Variants in GULP1 observed in about 807,000 individuals in gnomAD.
GULP1 encodes GULP PTB domain containing engulfment adaptor 1, also known as PTB domain-containing engulfment adapter protein 1.
In GULP1, 19 loss-of-function variants were observed where a neutral mutation model predicts 40.9. The ratio of observed to expected loss-of-function variants is 0.46; its 90% CI spans 0.32 to 0.68. The LOEUF (loss-of-function observed/expected upper bound fraction) is 0.68. Ranked by LOEUF, GULP1 falls within the 30% of genes least tolerant of loss-of-function variation. The pLI, the probability that GULP1 is intolerant of heterozygous loss-of-function variation, is 0.03. For missense variants in GULP1, 312 were observed against 362.2 expected (o/e 0.86, Z 1.12); for synonymous variants, 119 against 117.6 (o/e 1.01, Z -0.08).
intron 1 of GULP1, among the ~76,000 whole-genome samples, chr2:188,347,757 G>A (rs2043888114): frequency 6.6e-6 from 1 of 151,992 alleles, no homozygotes. Context: ...GGGACTACAG[G>A]CACATGCCAC....
chr2:188,375,524 A>G lies in GULP1; in HGVS notation c.-171-8239A>G, dbSNP rs534233781. Among the ~76,000 whole-genome samples the G allele has an allele frequency of 1.1e-4, 16 of 152,334 alleles. No individual in the cohort carries two copies. In the South Asian group the frequency reaches 2.7e-3, roughly 26 times the overall value. ...GATTTCCTTCATTCCAGCAGCTTCCATTGTGTGACTGTTTACAAAAGTGCT... is the reference window on the plus strand; with the variant it reads ...GATTTCCTTCATTCCAGCAGCTTCCGTTGTGTGACTGTTTACAAAAGTGCT... On this transcript the variant is annotated intron_variant, in intron 1 of 11. Transcript: ENST00000409830.
chr2:188,478,956 T>G (rs1384403126), intron 3 of GULP1, among the ~76,000 whole-genome samples: 1 of 152,118 alleles, frequency 6.6e-6, no homozygotes, highest in Non-Finnish European at 1.5e-5. Context: ...CTTTCAGCCA[T>G]GTAACAGGAA....
intron 1 of GULP1, among the ~76,000 whole-genome samples, chr2:188,331,467 C>T (rs1193151257): frequency 1.3e-5 from 2 of 152,168 alleles, no homozygotes; most frequent in African/African-American, 4.8e-5. Context: ...ATTTACTATA[C>T]ATAAGAATCA....
chr2:188,554,431 T>G (rs1694244203), intron 7 of GULP1, among the ~76,000 whole-genome samples: 1 of 151,902 alleles, frequency 6.6e-6, no homozygotes, highest in Admixed American at 6.6e-5. Flanking sequence ...TGTTTAATTT[T>G]CATGTATTTG....
At chr2:188,558,521 T>C (rs1304959729) in intron 7 of GULP1, among the ~76,000 whole-genome samples, 2 of 152,112 alleles carry the variant, frequency 1.3e-5, no homozygotes, top group Non-Finnish European at 2.9e-5. Flanking sequence ...ATAGTGTAAA[T>C]TGGTACCAGT....
intron 9 of GULP1, among the ~76,000 whole-genome samples, chr2:188,573,848 T>G (rs1487196681): frequency 6.6e-6 from 1 of 152,072 alleles, no homozygotes; most frequent in Non-Finnish European, 1.5e-5. Flanking sequence ...ATCTGATGAG[T>G]TTTTAGTGGT....
In GULP1 at chr2:188,373,570, A is replaced by G. The variant is rs191917658; in HGVS notation, c.-171-10193A>G. 5.8e-3 allele frequency among the ~76,000 whole-genome samples: 876 copies of G among 152,008 alleles called. 3 individuals carry two copies. The highest frequency in any genetic ancestry group is 8.4e-3 in the Non-Finnish European group (572 of 67,846). ...GTTTTTTTATTTTTTTTGACAGGCCACTGAGATATCACATAGTAGATGTCG... is the reference window on the plus strand; with the variant it reads ...GTTTTTTTATTTTTTTTGACAGGCCGCTGAGATATCACATAGTAGATGTCG... On this transcript the variant is annotated intron_variant, in intron 1 of 11. Transcript: ENST00000409830.
intron 2 of GULP1, among the ~76,000 whole-genome samples, chr2:188,404,608 C>G (rs1281916081): frequency 6.6e-6 from 1 of 152,206 alleles, no homozygotes; most frequent in Non-Finnish European, 1.5e-5. Flanking sequence ...ACAGATCCCT[C>G]AGCCTCAGGC....
At chr2:188,567,255 A>T (rs1050615978) in intron 7 of GULP1, among the ~76,000 whole-genome samples, 1 of 152,218 alleles carries the variant, frequency 6.6e-6, no homozygotes, top group Non-Finnish European at 1.5e-5. Context: ...TAGAACTACC[A>T]TTTGACCCAG....
chr2:188,570,521 T>G (rs1051967804), intron 9 of GULP1, among the ~76,000 whole-genome samples: 1 of 152,206 alleles, frequency 6.6e-6, no homozygotes, highest in Non-Finnish European at 1.5e-5. Flanking sequence ...TGAGCAAGAC[T>G]GAACCTGGTT....
chr2:188,413,895 A>T lies in GULP1; in HGVS notation c.-45+30006A>T, dbSNP rs560312976. 4.7e-4 allele frequency among the ~76,000 whole-genome samples: 72 copies of T among 152,258 alleles called. 3 individuals carry two copies. The South Asian group carries it at 0.015, about 32-fold the overall frequency. On this transcript the variant is annotated intron_variant, in intron 2 of 11. Transcript: ENST00000409830. Reference sequence around the variant, plus strand: ...TTTCTTGTTCAAAATGAATTTTTTAATGCATTAAAATAAAGTTAGTGTTGC... The same window carrying T: ...TTTCTTGTTCAAAATGAATTTTTTATTGCATTAAAATAAAGTTAGTGTTGC...
intron 6 of GULP1, among the ~76,000 whole-genome samples, chr2:188,536,935 T>G (rs1182655316): frequency 6.6e-6 from 1 of 152,082 alleles, no homozygotes; most frequent in Non-Finnish European, 1.5e-5. Flanking sequence ...TTTATTTTTT[T>G]TGTTGACTAT....
chr2:188,483,631 T>C (rs1431051126), intron 4 of GULP1, 139 bp downstream of exon 4: 5 of 417,824 alleles, frequency 1.2e-5, no homozygotes, highest in Non-Finnish European at 2.2e-5. Context: ...AAAATAATTG[T>C]GGCATGGGAA....
intron 1 of GULP1, among the ~76,000 whole-genome samples, chr2:188,311,822 G>A (rs1485418682): frequency 6.8e-6 from 1 of 147,250 alleles, no homozygotes; most frequent in Non-Finnish European, 1.5e-5. Flanking sequence ...ATACGTATAA[G>A]TATATACATA....
chr2:188,568,816 C>A (rs2153429765), intron 7 of GULP1, among the ~76,000 whole-genome samples: 1 of 152,108 alleles, frequency 6.6e-6, no homozygotes, highest in East Asian at 1.9e-4. Flanking sequence ...ACCCTCCTCA[C>A]AAGGAAAAGG....
At chr2:188,548,028 A>G (rs1050500989) in intron 7 of GULP1, among the ~76,000 whole-genome samples, 1 of 152,080 alleles carries the variant, frequency 6.6e-6, no homozygotes, top group Non-Finnish European at 1.5e-5. Context: ...ATTTTACTTT[A>G]TGGTAAAAAA....
intron 6 of GULP1, among the ~76,000 whole-genome samples, chr2:188,537,656 G>GT (rs1222865225): frequency 6.6e-6 from 1 of 151,814 alleles, no homozygotes; most frequent in African/African-American, 2.4e-5. Context: ...TTTTTTCACT[G>GT]TATCTTTGCA....
rs1161237944 is a variant in GULP1 at position 188,352,553 on chromosome 2, TTCTC to T, written c.-171-31202_-171-31199del. Among the ~76,000 whole-genome samples the T allele has an allele frequency of 3.3e-5, 5 of 151,446 alleles. No homozygotes were observed. The Admixed American group carries it at 3.3e-4, about 10-fold the overall frequency. On this transcript the variant is annotated intron_variant, in intron 1 of 11. Transcript: ENST00000409830. ...CCCATTTGCCCATTCCTTAAAATTT[TTCTC>T]TCTCTCTTTTTCTCTTTTGCTCATT...
At chr2:188,315,491 T>A (rs553087071) in intron 1 of GULP1, among the ~76,000 whole-genome samples, 1 of 152,306 alleles carries the variant, frequency 6.6e-6, no homozygotes, top group Non-Finnish European at 1.5e-5. Context: ...TCAGAGTCTG[T>A]TTCCCAATGT....
Sources: gnomAD v4.1 joint callset for allele counts (sites outside exome capture counted in the v4.1 genomes callset) on GRCh38, gnomAD v4.1.1 for gene constraint, MANE v1.5 for transcripts, NCBI Gene and HGNC (gene_info 2026-07-23, HGNC 2026-07-21) for gene names.